Variants in NME7 observed in about 807,000 individuals in gnomAD.
NME7 encodes the protein nucleoside diphosphate kinase 7.
NME7 carries 41 observed loss-of-function variants against 49.1 expected under a neutral mutation model. The ratio of observed to expected loss-of-function variants is 0.83; its 90% confidence interval spans 0.65 to 1.08. NME7 has a LOEUF of 1.08. Ranked by LOEUF, NME7 falls within the 50% of genes least tolerant of loss-of-function variation. The pLI is 0.00. For synonymous variants in NME7, 139 were observed against 150.6 expected, an observed-to-expected ratio of 0.92 and a Z score of 0.56; for missense variants, 423 against 463.4, an observed-to-expected ratio of 0.91 and a Z score of 0.80.
chr1:169,228,041 TACACAC>T (rs72257273), intron 10 of NME7, among the ~76,000 whole-genome samples: 222 of 147,040 alleles, frequency 1.5e-3, no homozygotes, highest in Middle Eastern at 3.5e-3. Flanking sequence ...TATGTGTGTA[TACACAC>T]ACACACACAC....
intron 11 of NME7, 67 bp downstream of exon 11, chr1:169,169,380 C>T (rs1659511727): frequency 1.4e-6 from 2 of 1,400,652 alleles, no homozygotes; most frequent in African/African-American, 1.4e-5. Context: ...TTTTCTTACA[C>T]ATCAGAACTC....
At chr1:169,134,342 A>T (rs1005288755) in intron 11 of NME7, among the ~76,000 whole-genome samples, 2 of 152,172 alleles carry the variant, frequency 1.3e-5, no homozygotes, top group Admixed American at 6.5e-5. Flanking sequence ...AGTAGATGAC[A>T]TATTTCATGG....
rs1265931036 is a variant in NME7 at position 169,255,659 on chromosome 1, T to C, written c.755-17972A>G. Among the ~76,000 whole-genome samples the C allele has an allele frequency of 5.0e-3, 619 of 123,808 alleles. 93 individuals are homozygous for C. The highest frequency in any genetic ancestry group is 8.2e-3 in the Non-Finnish European group (440 of 53,416). The allele number at this position is 123,808 out of a possible 152,430, so 81.2% of individuals were successfully genotyped here. ...AGTTGATGCAGTTTCTTCCTAGTCT[T>C]GATGGTCTTTACATTTTGGCATGAT... On this transcript the variant is annotated intron_variant, in intron 7 of 11. Coordinates refer to ENST00000367811, the MANE Select transcript of NME7 (RefSeq NM_013330.5).
chr1:169,221,822 G>C (rs2420011), intron 10 of NME7, among the ~76,000 whole-genome samples: 10,624 of 151,920 alleles, frequency 0.07, 1,478 homozygotes, highest in East Asian at 0.66. Context: ...CCTATTACAG[G>C]CATGTGCCAC....
chr1:169,229,643 G>A (rs1647509156), intron 10 of NME7, among the ~76,000 whole-genome samples: 1 of 152,118 alleles, frequency 6.6e-6, no homozygotes. Context: ...AGATGCTGTG[G>A]ATTTATTGTC....
At chr1:169,203,737 G>A (rs1660607531) in intron 10 of NME7, among the ~76,000 whole-genome samples, 1 of 152,148 alleles carries the variant, frequency 6.6e-6, no homozygotes, top group African/African-American at 2.4e-5. Context: ...AGTGGAGCAA[G>A]TTTTTCAAAA....
intron 10 of NME7, among the ~76,000 whole-genome samples, chr1:169,188,681 G>A (rs3766064): frequency 0.048 from 7,337 of 152,298 alleles, 235 homozygotes; most frequent in East Asian, 0.13. Flanking sequence ...AACAGGTATA[G>A]AAGATTGCTT....
At chr1:169,149,087 T>C (rs372022651) in intron 11 of NME7, among the ~76,000 whole-genome samples, 4 of 152,366 alleles carry the variant, frequency 2.6e-5, no homozygotes, top group African/African-American at 9.6e-5. Context: ...CTGACGCCTG[T>C]AATCCTACTT....
intron 10 of NME7, among the ~76,000 whole-genome samples, chr1:169,187,450 T>A (rs1660098770): frequency 2.0e-5 from 3 of 152,190 alleles, no homozygotes; most frequent in Admixed American, 2.0e-4. Flanking sequence ...GCATATATAT[T>A]TAGGATAGTT....
chr1:169,326,854 C>T (rs1274184856), intron 1 of NME7, among the ~76,000 whole-genome samples: 2 of 152,140 alleles, frequency 1.3e-5, no homozygotes, highest in Non-Finnish European at 2.9e-5. Flanking sequence ...ATACACACAC[C>T]ATCCAGACCA....
intron 10 of NME7, among the ~76,000 whole-genome samples, chr1:169,218,839 C>CA (rs759961648): frequency 6.6e-5 from 10 of 151,866 alleles, no homozygotes; most frequent in Middle Eastern, 3.4e-3. Flanking sequence ...GGAAAAAACA[C>CA]AAAAATAAGA....
intron 10 of NME7, chr1:169,190,522 C>CTTT (rs34764111): frequency 1.5e-4 from 37 of 247,840 alleles, no homozygotes; most frequent in East Asian, 4.3e-4. Flanking sequence ...AATTTTTCTT[C>CTTT]TTTTTTTTTT....
chr1:169,252,796 C>T (rs1300321025), intron 7 of NME7, among the ~76,000 whole-genome samples: 1 of 147,778 alleles, frequency 6.8e-6, no homozygotes, highest in Non-Finnish European at 1.5e-5. Flanking sequence ...CCAGTTTTCC[C>T]AGCACCATTT....
chr1:169,316,150 G>A (rs1163408071), intron 3 of NME7, among the ~76,000 whole-genome samples: 3 of 151,884 alleles, frequency 2.0e-5, no homozygotes, highest in Non-Finnish European at 4.4e-5. Flanking sequence ...AAATGTTTAG[G>A]TAAATCTAAG....
chr1:169,139,442 T>C (rs1404234442), intron 11 of NME7, among the ~76,000 whole-genome samples: 1 of 152,224 alleles, frequency 6.6e-6, no homozygotes, highest in East Asian at 1.9e-4. Context: ...GAGCTCACAC[T>C]AGGGATGTAG....
At chr1:169,333,649 T>TA (rs1266050682) in intron 1 of NME7, among the ~76,000 whole-genome samples, 7 of 151,348 alleles carry the variant, frequency 4.6e-5, no homozygotes, top group Non-Finnish European at 7.4e-5. Context: ...ATTTAATATT[T>TA]TAAAAAAAAA....
intron 9 of NME7, 36 bp from the exon 10 acceptor site, chr1:169,230,855 A>G: frequency 7.4e-7 from 1 of 1,345,484 alleles, no homozygotes; most frequent in Non-Finnish European, 1.0e-6. Context: ...AAAAGAATTT[A>G]ACAATTTTTA....
In NME7 at chr1:169,362,317, A is replaced by G. The variant is rs1342127297; in HGVS notation, c.3+5391T>C. On this transcript the variant is annotated intron_variant, in intron 1 of 11. Transcript: ENST00000367811. Reference sequence around the variant, plus strand: ...AATAATCTTTAAAGTCCTTTATTACACTAACAGTTCATCTGGAGTAATGAT... The same window carrying G: ...AATAATCTTTAAAGTCCTTTATTACGCTAACAGTTCATCTGGAGTAATGAT... 2.6e-5 allele frequency among the ~76,000 whole-genome samples: 4 copies of G among 152,340 alleles called. No individual in the cohort carries two copies. The South Asian group carries it at 6.2e-4, about 24-fold the overall frequency.
Position 169,259,064 on chromosome 1 carries a change from T to G in NME7, c.755-21377A>C, listed in dbSNP as rs1649077685. Among the ~76,000 whole-genome samples the G allele has an allele frequency of 1.5e-5, 2 of 134,108 alleles. 1 individual carries two copies. The highest frequency in any genetic ancestry group is 3.5e-5 in the Non-Finnish European group (2 of 57,100). The allele number at this position is 134,108 out of a possible 152,430, so 88.0% of individuals were successfully genotyped here. ...TGGAAAAGGTGATATAGCTGAAAAT[T>G]TTTATATTTTAAATTGTAAAATATT... On this transcript the variant is annotated intron_variant, in intron 7 of 11. Transcript: ENST00000367811.
Sources: gnomAD v4.1 joint callset for allele counts (sites outside exome capture counted in the v4.1 genomes callset) on GRCh38, gnomAD v4.1.1 for gene constraint, MANE v1.5 for transcripts, NCBI Gene and HGNC (gene_info 2026-07-23, HGNC 2026-07-21) for gene names.